CDYL: variants seen among roughly 807,000 people sequenced by gnomAD.
The protein encoded by CDYL is chromodomain Y like.
Under a neutral mutation model 47.3 loss-of-function variants are expected in CDYL, and 8 were observed. The observed-to-expected ratio is 0.17, with a 90% CI of 0.10 to 0.31. The LOEUF (loss-of-function observed/expected upper bound fraction) is 0.31, where lower values mean the gene tolerates loss of function less well. Ranked by LOEUF, CDYL falls within the 10% of genes least tolerant of loss-of-function variation. CDYL has a pLI of 1.00. For synonymous variants in CDYL, 266 were observed against 265.0 expected, an observed-to-expected ratio of 1.00 and a Z score of -0.04; for missense variants, 471 against 701.4, an observed-to-expected ratio of 0.67 and a Z score of 3.71.
intron 1 of CDYL, among the ~76,000 whole-genome samples, chr6:4,870,954 T>G (rs1274829207): frequency 6.6e-6 from 1 of 152,250 alleles, no homozygotes; most frequent in African/African-American, 2.4e-5. Context: ...TGATGTGAAG[T>G]CCTTTTCCAC....
intron 1 of CDYL, among the ~76,000 whole-genome samples, chr6:4,860,143 C>G (rs996061864): frequency 6.6e-6 from 1 of 152,008 alleles, no homozygotes; most frequent in Non-Finnish European, 1.5e-5. Flanking sequence ...CCTCGTGATC[C>G]GCCCGCCTCG....
chr6:4,907,135 C>A (rs1757263164), intron 2 of CDYL, among the ~76,000 whole-genome samples: 1 of 152,174 alleles, frequency 6.6e-6, no homozygotes, highest in South Asian at 2.1e-4. Context: ...TTAGAAACTG[C>A]TGCTACTCTG....
intron 2 of CDYL, among the ~76,000 whole-genome samples, chr6:4,900,828 T>TATA (rs1757025805): frequency 3.0e-5 from 3 of 99,378 alleles, no homozygotes; most frequent in Admixed American, 9.7e-5. Context: ...TATATATATA[T>TATA]ATCTTGCCTG....
intron 1 of CDYL, among the ~76,000 whole-genome samples, chr6:4,713,417 G>A (rs1757188855): frequency 6.6e-6 from 1 of 152,120 alleles, no homozygotes; most frequent in Non-Finnish European, 1.5e-5. Context: ...AGGCCGCTCT[G>A]CTCTTTGTCA....
At chr6:4,871,809 C>T (rs1241483614) in intron 1 of CDYL, among the ~76,000 whole-genome samples, 1 of 152,214 alleles carries the variant, frequency 6.6e-6, no homozygotes, top group African/African-American at 2.4e-5. Flanking sequence ...GTCTGACACT[C>T]ATCTTCTGAT....
At chr6:4,820,348 G>A (rs549702147) in intron 1 of CDYL, among the ~76,000 whole-genome samples, 1 of 152,150 alleles carries the variant, frequency 6.6e-6, no homozygotes, top group African/African-American at 2.4e-5. Context: ...CAGCTTCCCT[G>A]ATGTTAGGCT....
In CDYL at chr6:4,866,363, A is replaced by C. The variant is rs1761323419; in HGVS notation, c.25-25350A>C. Among the ~76,000 whole-genome samples the C allele has an allele frequency of 1.3e-5, 2 of 152,188 alleles. 1 individual carries two copies. Among genetic ancestry groups the C allele is most frequent in the South Asian group, 4.1e-4 (2 of 4,832 alleles). The stretch of plus-strand genomic sequence containing the variant: ...AAAGTGGTTATTTATTTATTTTTTT[A>C]AAAGTGGCAGTTTATCAAGTAGAAG... On this transcript the variant is annotated intron_variant, in intron 1 of 6. Coordinates refer to ENST00000397588, the MANE Select transcript of CDYL (RefSeq NM_004824.4).
At chr6:4,859,907 CT>C (rs1157813995) in intron 1 of CDYL, among the ~76,000 whole-genome samples, 59 of 142,480 alleles carry the variant, frequency 4.1e-4, no homozygotes, top group Admixed American at 4.9e-4. Flanking sequence ...CTTTTTTTTT[CT>C]TTTTTTTTTT....
At chr6:4,941,018 T>G (rs1289798599) in intron 4 of CDYL, among the ~76,000 whole-genome samples, 2 of 152,250 alleles carry the variant, frequency 1.3e-5, no homozygotes, top group African/African-American at 4.8e-5. Context: ...CTGTTTGATA[T>G]TTCCAGATTA....
chr6:4,863,876 T>TA (rs1156603174), intron 1 of CDYL, among the ~76,000 whole-genome samples: 1 of 152,178 alleles, frequency 6.6e-6, no homozygotes, highest in Non-Finnish European at 1.5e-5. Flanking sequence ...CCAGTTTAAG[T>TA]AAAATTAGTG....
chr6:4,721,054 G>A lies in CDYL; in HGVS notation c.103+5173G>A, dbSNP rs116182502. ...TGCCCAGCTGATCTGCCTCTGAGGA[G>A]CTAAAAAATACCAATAAATAGTAAC... On this transcript the variant is annotated intron_variant, in intron 2 of 8. Transcript: ENST00000328908. 9.9e-3 allele frequency among the ~76,000 whole-genome samples: 1,498 copies of A among 151,362 alleles called. 25 individuals are homozygous for A. The highest frequency in any genetic ancestry group is 0.035 in the African/African-American group (1,414 of 40,940).
chr6:4,828,743 T>G (rs1053774055), intron 1 of CDYL, among the ~76,000 whole-genome samples: 1 of 152,152 alleles, frequency 6.6e-6, no homozygotes, highest in African/African-American at 2.4e-5. Context: ...CATAATTTAT[T>G]TGTTGGTATG....
chr6:4,870,252 C>T (rs978724966), intron 1 of CDYL, among the ~76,000 whole-genome samples: 6 of 152,230 alleles, frequency 3.9e-5, no homozygotes, highest in African/African-American at 1.4e-4. Flanking sequence ...GCCTTGTCTT[C>T]ATTTTTGAAG....
intron 1 of CDYL, among the ~76,000 whole-genome samples, chr6:4,871,703 C>T (rs1364642591): frequency 1.3e-5 from 2 of 152,030 alleles, no homozygotes; most frequent in South Asian, 2.1e-4. Context: ...TATATTTGGC[C>T]GTGTCCTCTC....
chr6:4,814,415 A>C (rs1170017576), intron 1 of CDYL, among the ~76,000 whole-genome samples: 3 of 152,206 alleles, frequency 2.0e-5, no homozygotes, highest in Non-Finnish European at 4.4e-5. Context: ...TGCAGAGTCA[A>C]CCTAAGAGGT....
chr6:4,710,210 G>T (rs928874493), intron 1 of CDYL, among the ~76,000 whole-genome samples: 4 of 152,068 alleles, frequency 2.6e-5, no homozygotes. Flanking sequence ...CAACAAGAGT[G>T]AAATTCCATC....
At chr6:4,831,044 A>T (rs978917015) in intron 1 of CDYL, among the ~76,000 whole-genome samples, 3 of 152,100 alleles carry the variant, frequency 2.0e-5, no homozygotes, top group African/African-American at 7.2e-5. Flanking sequence ...TGCTATTGTG[A>T]ATAGTGCCGC....
chr6:4,849,584 A>T (rs77380855), intron 1 of CDYL, among the ~76,000 whole-genome samples: 3,981 of 152,058 alleles, frequency 0.026, 57 homozygotes, highest in Middle Eastern at 0.072. Flanking sequence ...TTCTTTCTCC[A>T]CTGCTTTTGC....
rs1316232543 is a variant in CDYL at position 4,900,790 on chromosome 6, T to A, written c.691+8411T>A. Among the ~76,000 whole-genome samples, 9 of 52,636 alleles carry A rather than the reference T, an allele frequency of 1.7e-4. 1 individual carries two copies. Among genetic ancestry groups the A allele is most frequent in the South Asian group, 1.3e-3 (2 of 1,584 alleles). 34.5% of individuals were successfully genotyped at this position (52,636 alleles called of 152,430 possible). A position where few individuals can be genotyped will look rare whatever the true frequency, so the allele number is the denominator to read the frequency against. On this transcript the variant is annotated intron_variant, in intron 2 of 6. Transcript: ENST00000397588. ...TTCCGTATACGTGTGTATATATATATATATATATATATATATATATATATA... is the reference window on the plus strand; with the variant it reads ...TTCCGTATACGTGTGTATATATATAAATATATATATATATATATATATATA...
Sources: gnomAD v4.1 joint callset for allele counts (sites outside exome capture counted in the v4.1 genomes callset) on GRCh38, gnomAD v4.1.1 for gene constraint, MANE v1.5 for transcripts, NCBI Gene and HGNC (gene_info 2026-07-23, HGNC 2026-07-21) for gene names.